The following CPVL variants were observed in gnomAD, a reference collection of about 807,000 sequenced individuals.
The protein encoded by CPVL is carboxypeptidase vitellogenic like, also known as probable serine carboxypeptidase CPVL.
In CPVL, 51 loss-of-function variants were observed where a neutral mutation model predicts 63.7. The ratio of observed to expected loss-of-function variants is 0.80; its 90% CI spans 0.64 to 1.01. CPVL has a LOEUF of 1.01. CPVL is among the 50% of genes least tolerant of loss of function. CPVL has a pLI of 0.00. For missense variants in CPVL, 530 were observed against 573.1 expected (o/e 0.92, Z 0.77); for synonymous variants, 195 against 206.0 (o/e 0.95, Z 0.46).
At chr7:29,107,221 G>T (rs1787804612) in intron 3 of CPVL, among the ~76,000 whole-genome samples, 1 of 152,200 alleles carries the variant, frequency 6.6e-6, no homozygotes, top group Non-Finnish European at 1.5e-5. Flanking sequence ...TAGCATGTTG[G>T]TCACAAAGCC....
intron 11 of CPVL, among the ~76,000 whole-genome samples, chr7:29,061,568 C>G (rs574785905): frequency 1.3e-5 from 2 of 152,258 alleles, no homozygotes; most frequent in East Asian, 1.9e-4. Flanking sequence ...TCAGTCAAAA[C>G]ATAAGGAGAG....
intron 5 of CPVL, among the ~76,000 whole-genome samples, chr7:29,156,360 T>C (rs996907604): frequency 4.6e-5 from 7 of 152,190 alleles, no homozygotes; most frequent in Non-Finnish European, 8.8e-5. Context: ...CTAAAATTGA[T>C]ATGAAGGACA....
At chr7:29,109,344 T>C (rs1014059253) in intron 3 of CPVL, among the ~76,000 whole-genome samples, 13 of 152,336 alleles carry the variant, frequency 8.5e-5, no homozygotes, top group Admixed American at 5.9e-4. Context: ...ACTCAGAGGA[T>C]ATGACAAGTG....
At chr7:29,059,285 T>C (rs1349193704) in intron 11 of CPVL, among the ~76,000 whole-genome samples, 1 of 152,176 alleles carries the variant, frequency 6.6e-6, no homozygotes, top group Non-Finnish European at 1.5e-5. Flanking sequence ...ATTTTCAATA[T>C]CCATCTGTTC....
intron 2 of CPVL, among the ~76,000 whole-genome samples, chr7:29,118,141 C>G (rs773535936): frequency 6.6e-6 from 1 of 152,190 alleles, no homozygotes; most frequent in Non-Finnish European, 1.5e-5. Flanking sequence ...AATCACAGAG[C>G]AGAAGTCAGA....
At chr7:29,094,473 C>T (rs1255994472) in intron 5 of CPVL, among the ~76,000 whole-genome samples, 3 of 152,004 alleles carry the variant, frequency 2.0e-5, no homozygotes, top group Non-Finnish European at 2.9e-5. Context: ...ATATAAGGAA[C>T]CCAAACTGTT....
intron 5 of CPVL, among the ~76,000 whole-genome samples, chr7:29,093,604 CAACTGAACTGCAAATTCAAAAGA>C (rs905748958): frequency 3.9e-5 from 6 of 152,112 alleles, no homozygotes; most frequent in African/African-American, 4.8e-5. Flanking sequence ...AGTTCACAGA[CAACTGAACTGCAAATTCAAAAGA>C]AACTGAACTG....
intron 12 of CPVL, among the ~76,000 whole-genome samples, chr7:29,016,793 C>CA (rs1459998018): frequency 1.3e-5 from 2 of 152,202 alleles, no homozygotes; most frequent in Non-Finnish European, 2.9e-5. Context: ...CACCATCTCT[C>CA]AAACAGGGAA....
intron 6 of CPVL, among the ~76,000 whole-genome samples, chr7:29,092,334 A>G (rs1030067472): frequency 1.3e-5 from 2 of 152,156 alleles, no homozygotes; most frequent in Non-Finnish European, 2.9e-5. Flanking sequence ...GAATCCTGAG[A>G]AACAAACAAA....
intron 5 of CPVL, among the ~76,000 whole-genome samples, chr7:29,159,043 A>C (rs1794816087): frequency 1.3e-5 from 2 of 152,254 alleles, no homozygotes; most frequent in South Asian, 4.1e-4. Flanking sequence ...AGAGAAAATT[A>C]AAACCTAGCC....
chr7:29,031,774 C>T (rs1360823210), intron 11 of CPVL, among the ~76,000 whole-genome samples: 1 of 151,964 alleles, frequency 6.6e-6, no homozygotes, highest in African/African-American at 2.4e-5. Flanking sequence ...TATAAGAATT[C>T]TATAGGATAT....
chr7:29,121,341 C>T lies in CPVL; in HGVS notation c.-10-270G>A, dbSNP rs1267828911. The stretch of plus-strand genomic sequence containing the variant: ...TTTTAAACAGAGTCTTGCTCTGTTG[C>T]TCAAGCTAGAGTACAGTAGCACAGT... On this transcript the variant is annotated intron_variant, in intron 1 of 12. Transcript: ENST00000265394. Among the ~76,000 whole-genome samples, 5 of 151,716 alleles carry T rather than the reference C, an allele frequency of 3.3e-5. No homozygotes were observed. In the East Asian group the frequency reaches 9.7e-4, roughly 29 times the overall value.
intron 12 of CPVL, among the ~76,000 whole-genome samples, chr7:28,999,895 CTT>C (rs1491240418): frequency 3.3e-5 from 5 of 152,086 alleles, no homozygotes; most frequent in Admixed American, 2.0e-4. Context: ...ATAAACCACT[CTT>C]GTTTATAATC....
chr7:29,004,125 A>G (rs868654834), intron 12 of CPVL, among the ~76,000 whole-genome samples: 2 of 152,278 alleles, frequency 1.3e-5, no homozygotes, highest in South Asian at 2.1e-4. Flanking sequence ...TAAAGGATAG[A>G]TAAAATAATC....
At chr7:29,158,788 T>C (rs1794779002) in intron 5 of CPVL, among the ~76,000 whole-genome samples, 1 of 152,234 alleles carries the variant, frequency 6.6e-6, no homozygotes, top group African/African-American at 2.4e-5. Context: ...GCAGTATTTG[T>C]GATTTCACCC....
At chr7:29,046,630 A>AT (rs1195571307) in intron 11 of CPVL, among the ~76,000 whole-genome samples, 45 of 149,822 alleles carry the variant, frequency 3.0e-4, no homozygotes, top group South Asian at 8.5e-4. Flanking sequence ...AGCACAAATG[A>AT]TTTTTTTTTT....
In CPVL at chr7:29,076,895, AT is replaced by A. The variant is rs200126147; in HGVS notation, c.610-4473del. Among the ~76,000 whole-genome samples the A allele has an allele frequency of 7.2e-5, 11 of 151,958 alleles. No individual in the cohort carries two copies. In the South Asian group the frequency reaches 1.7e-3, roughly 23 times the overall value. ...TAGTAGTTTTGAATCTTGGTTTGCG[AT>A]TTTTTTTTCCAGCCTAATGGAAATC... On this transcript the variant is annotated intron_variant, in intron 7 of 12. Coordinates refer to ENST00000265394, the MANE Select transcript of CPVL (RefSeq NM_031311.5).
At chr7:29,138,993 C>T (rs1300430468) in intron 1 of CPVL, among the ~76,000 whole-genome samples, 2 of 152,198 alleles carry the variant, frequency 1.3e-5, no homozygotes, top group Non-Finnish European at 2.9e-5. Flanking sequence ...TGTGTCATTA[C>T]ACATGTATTT....
intron 5 of CPVL, among the ~76,000 whole-genome samples, chr7:29,177,052 G>A (rs1274643575): frequency 6.6e-6 from 1 of 151,870 alleles, no homozygotes; most frequent in Non-Finnish European, 1.5e-5. Context: ...GATGGAAGAG[G>A]CAAATATAAA....
Sources: allele counts gnomAD v4.1 joint callset (sites outside exome capture counted in the v4.1 genomes callset), GRCh38; gene constraint gnomAD v4.1.1; transcripts MANE v1.5; gene names NCBI Gene and HGNC (gene_info 2026-07-23, HGNC 2026-07-21).